GALNT14: variants seen among roughly 807,000 people sequenced by gnomAD.
GALNT14 encodes polypeptide N-acetylgalactosaminyltransferase 14, also known as UDP-GalNAc:polypeptide N-acetylgalactosaminyltransferase 14.
GALNT14 carries 60 observed loss-of-function variants against 77.5 expected under a neutral mutation model. The ratio of observed to expected loss-of-function variants is 0.77; its 90% CI spans 0.63 to 0.96. The LOEUF is 0.96. Ranked by LOEUF, GALNT14 falls within the 40% of genes least tolerant of loss-of-function variation. The pLI is 0.00. For missense variants in GALNT14, 710 were observed against 731.0 expected, an observed-to-expected ratio of 0.97 and a Z score of 0.33; for synonymous variants, 280 against 281.7, an observed-to-expected ratio of 0.99 and a Z score of 0.06.
At chr2:30,923,448 A>G (rs1476730635) in intron 13 of GALNT14, among the ~76,000 whole-genome samples, 1 of 152,166 alleles carries the variant, frequency 6.6e-6, no homozygotes, top group African/African-American at 2.4e-5. Flanking sequence ...AGATGGGAGA[A>G]GACTGTCCCA....
Position 31,027,610 on chromosome 2 carries a change from G to T in GALNT14, c.130-34603C>A, listed in dbSNP as rs575266022. On this transcript the variant is annotated intron_variant, in intron 1 of 14. Coordinates refer to ENST00000349752, the MANE Select transcript of GALNT14 (RefSeq NM_024572.4). ...GCAACTTTAGGAAGAAACCTGGTAC[G>T]TGGAGGCCAGGGGAGTGATATTAGC... Among the ~76,000 whole-genome samples the T allele has an allele frequency of 9.9e-5, 15 of 152,262 alleles. No homozygotes were observed. In the East Asian group the frequency reaches 2.5e-3, roughly 25 times the overall value.
At chr2:31,101,428 G>A (rs1677268008) in intron 1 of GALNT14, among the ~76,000 whole-genome samples, 1 of 151,958 alleles carries the variant, frequency 6.6e-6, no homozygotes, top group African/African-American at 2.4e-5. Flanking sequence ...CTCTAGAACA[G>A]AGTTCTATGC....
intron 1 of GALNT14, among the ~76,000 whole-genome samples, chr2:31,041,391 G>A (rs1673085376): frequency 6.6e-6 from 1 of 152,190 alleles, no homozygotes; most frequent in Non-Finnish European, 1.5e-5. Flanking sequence ...AGGTGCTTGG[G>A]CTGTTCTTGG....
intron 1 of GALNT14, among the ~76,000 whole-genome samples, chr2:31,106,250 T>C (rs1179158641): frequency 2.0e-5 from 3 of 152,238 alleles, no homozygotes; most frequent in Admixed American, 1.3e-4. Flanking sequence ...GCCTTCCTAA[T>C]ATTTTAAATA....
At chr2:31,027,562 A>G (rs1424013562) in intron 1 of GALNT14, among the ~76,000 whole-genome samples, 1 of 152,178 alleles carries the variant, frequency 6.6e-6, no homozygotes, top group Non-Finnish European at 1.5e-5. Context: ...AAAAGGGATC[A>G]TGTCTGAGAT....
rs1489544130 is a variant in GALNT14, at chr2:31,138,381, C to CGCCACCGCGGCT, written c.-307_-296dup. 1 of 380,150 alleles carries CGCCACCGCGGCT rather than the reference C, an allele frequency of 2.6e-6. No homozygotes were observed. The highest frequency in any genetic ancestry group is 2.2e-5 in the African/African-American group (1 of 45,552). 23.5% of individuals were successfully genotyped at this position (380,150 alleles called of 1,614,324 possible). On this transcript the variant is annotated 5_prime_UTR_variant, in exon 1 of 15. Transcript: ENST00000349752. The stretch of plus-strand genomic sequence containing the variant: ...GTGGCTGCCGAGATGTTCCCCACGC[C>CGCCACCGCGGCT]GCCACCGCGGCTGCCGCCGCCGCCG...
chr2:30,955,724 CG>C lies in GALNT14; in HGVS notation c.547del (p.Arg183GlyfsTer13). 6.2e-7 allele frequency: 1 copy of C among 1,614,122 alleles called. No homozygotes were observed. Among genetic ancestry groups the C allele is most frequent in the Non-Finnish European group, 8.5e-7 (1 of 1,180,020 alleles). On this transcript the variant is annotated frameshift_variant, in exon 6 of 15. Coordinates refer to ENST00000349752, the MANE Select transcript of GALNT14 (RefSeq NM_024572.4). LOFTEE classifies it high-confidence loss of function. ...NNERQGLVRS[R>X]IRGADIAQGT... ...CTGGGCGATGTCAGCGCCCCGAATC[CG>C]GGACCGGACCAGACCTGCAGTCAGG...
the GALNT14 span, among the ~76,000 whole-genome samples, chr2:30,895,235 G>A: frequency 2.0e-5 from 3 of 152,166 alleles, no homozygotes; most frequent in Non-Finnish European, 2.9e-5. Context: ...GCAGTGGGGG[G>A]TCCCATTCTC....
chr2:30,926,704 C>CT (rs1258984177), intron 11 of GALNT14, among the ~76,000 whole-genome samples: 2 of 149,992 alleles, frequency 1.3e-5, no homozygotes, highest in African/African-American at 2.5e-5. Flanking sequence ...AACGCCATGC[C>CT]TGCAGAGTTC....
intron 14 of GALNT14, among the ~76,000 whole-genome samples, chr2:30,911,571 C>A (rs1347819859): frequency 6.6e-6 from 1 of 152,104 alleles, no homozygotes; most frequent in South Asian, 2.1e-4. Context: ...AGGGGAAGCA[C>A]CCCGGAGAGG....
At chr2:31,030,496 T>G (rs1235324065) in intron 1 of GALNT14, among the ~76,000 whole-genome samples, 2 of 152,012 alleles carry the variant, frequency 1.3e-5, no homozygotes, top group Non-Finnish European at 2.9e-5. Flanking sequence ...AAGAAAAATA[T>G]AGGAATTGCA....
chr2:31,017,419 TATAAC>T (rs1266525207), intron 1 of GALNT14, among the ~76,000 whole-genome samples: 1 of 152,236 alleles, frequency 6.6e-6, no homozygotes, highest in East Asian at 1.9e-4. Flanking sequence ...AAATAATACA[TATAAC>T]AGAGTACCCA....
chr2:31,030,902 C>T (rs1394187105), intron 1 of GALNT14, among the ~76,000 whole-genome samples: 1 of 152,122 alleles, frequency 6.6e-6, no homozygotes, highest in Non-Finnish European at 1.5e-5. Flanking sequence ...TCTTGGGATG[C>T]CTATTTATCT....
At position 30,924,684 on chromosome 2, in the gene GALNT14, C is replaced by T. The variant is rs1487995230; in HGVS notation, c.1235+56G>A. Reference sequence around the variant, plus strand: ...TTGTCTGTCTCTTCTCCAGACCAAGCCAGCTGAGGGCCTCTGCTTTCAGCC... The same window carrying T: ...TTGTCTGTCTCTTCTCCAGACCAAGTCAGCTGAGGGCCTCTGCTTTCAGCC... On this transcript the variant is annotated intron_variant, in intron 12 of 14. Transcript: ENST00000349752. The T allele has an allele frequency of 2.9e-5, 42 of 1,472,192 alleles. No homozygotes were observed. In the East Asian group the frequency reaches 9.1e-4, roughly 32 times the overall value. The allele number at this position is 1,472,192 out of a possible 1,614,324, so 91.2% of individuals were successfully genotyped here.
At chr2:31,092,786 T>C (rs1558564183) in intron 1 of GALNT14, among the ~76,000 whole-genome samples, 1 of 152,204 alleles carries the variant, frequency 6.6e-6, no homozygotes, top group African/African-American at 2.4e-5. Flanking sequence ...AATGTAGTGA[T>C]CAATGCAAGA....
chr2:31,083,315 C>T (rs527946425), intron 1 of GALNT14, among the ~76,000 whole-genome samples: 2 of 152,264 alleles, frequency 1.3e-5, no homozygotes, highest in South Asian at 2.1e-4. Context: ...AAGCACCACA[C>T]GTTCTTGGAT....
chr2:31,029,521 T>C (rs568585455), intron 1 of GALNT14, among the ~76,000 whole-genome samples: 1 of 152,218 alleles, frequency 6.6e-6, no homozygotes, highest in Non-Finnish European at 1.5e-5. Flanking sequence ...CCTGTAATCA[T>C]ATAGAACCAC....
chr2:31,102,988 C>T (rs1677356152), intron 1 of GALNT14, among the ~76,000 whole-genome samples: 1 of 152,050 alleles, frequency 6.6e-6, no homozygotes. Context: ...TTCACTCATC[C>T]TTTTATTTTC....
At chr2:30,983,034 C>A (rs983261210) in intron 2 of GALNT14, among the ~76,000 whole-genome samples, 1 of 152,204 alleles carries the variant, frequency 6.6e-6, no homozygotes, top group Admixed American at 6.5e-5. Context: ...TCCAGGGAAT[C>A]TTCTTCACCC....
Sources: gnomAD v4.1 joint callset for allele counts (sites outside exome capture counted in the v4.1 genomes callset) on GRCh38, gnomAD v4.1.1 for gene constraint, MANE v1.5 for transcripts, NCBI Gene and HGNC (gene_info 2026-07-23, HGNC 2026-07-21) for gene names.